TNIP1: variants seen among roughly 807,000 people sequenced by gnomAD.
TNIP1 encodes TNFAIP3-interacting protein 1.
TNIP1 carries 22 observed loss-of-function variants against 86.6 expected under a neutral mutation model. That is an observed-to-expected ratio of 0.25 (90% CI 0.18 to 0.36). The LOEUF (loss-of-function observed/expected upper bound fraction) is 0.36. Among genes scored for constraint, TNIP1 ranks in the 10% least tolerant of loss-of-function variants. The pLI, the probability that TNIP1 is intolerant of heterozygous loss-of-function variation, is 1.00. For missense variants in TNIP1, 709 were observed against 820.6 expected (o/e 0.86, Z 1.66); for synonymous variants, 294 against 313.0 (o/e 0.94, Z 0.64).
At position 151,063,722 on chromosome 5, in the gene TNIP1, C is replaced by T. The variant is rs1352967622; in HGVS notation, c.162G>A (p.Met54Ile). 6.2e-7 allele frequency: 1 copy of T among 1,613,902 alleles called. No homozygotes were observed. The highest frequency in any genetic ancestry group is 8.5e-7 in the Non-Finnish European group (1 of 1,179,960). ...MLGELLEESQ[M>I]EATRLRQKAE... Reference sequence around the variant, plus strand: ...CCTTCTGCCGGAGCCTGGTCGCTTCCATCTGGGACTCTTCCAAAAGCTCCC... The same window carrying T: ...CCTTCTGCCGGAGCCTGGTCGCTTCTATCTGGGACTCTTCCAAAAGCTCCC... The change falls in exon 3 of 18, where the codon ATG becomes ATA. Residue 54 changes from methionine (M) to isoleucine (I), a missense_variant. By Grantham distance (10) the Met-to-Ile change is conservative. Coordinates refer to ENST00000521591, the MANE Select transcript of TNIP1 (RefSeq NM_006058.5).
intron 1 of TNIP1, among the ~76,000 whole-genome samples, chr5:151,079,655 T>C (rs1370466696): frequency 1.3e-5 from 2 of 151,834 alleles, no homozygotes; most frequent in East Asian, 3.9e-4. Flanking sequence ...AGATACGGAA[T>C]GTAAGCACTG....
In TNIP1 at chr5:151,042,591, A is replaced by G. The variant is rs763958354; in HGVS notation, c.1083T>C (p.Arg361=). ...DLEAEREQKQ[R]DFDRKLLLAK... is the part of the protein sequence containing the mutation. ...CCAGGAGGAGCTTGCGGTCAAAGTC[A>G]CGCTGCTTCTGCTCCCGCTCGGCCT... Residue 361 remains arginine (R), a synonymous_variant, in exon 11 of 18, where the codon CGT becomes CGC. Coordinates refer to ENST00000521591, the MANE Select transcript of TNIP1 (RefSeq NM_006058.5). The G allele has an allele frequency of 4.3e-6, 7 of 1,613,868 alleles. No individual in the cohort carries two copies. Among genetic ancestry groups the G allele is most frequent in the Non-Finnish European group, 5.9e-6 (7 of 1,180,016 alleles).
intron 16 of TNIP1, 118 bp downstream of exon 16, chr5:151,033,490 G>T: frequency 1.5e-6 from 1 of 653,778 alleles, no homozygotes; most frequent in Non-Finnish European, 2.5e-6. Context: ...CTGCCACCAC[G>T]GTGCTGTTTA....
intron 1 of TNIP1, among the ~76,000 whole-genome samples, chr5:151,077,075 T>C (rs1763475209): frequency 1.3e-5 from 2 of 152,362 alleles, no homozygotes; most frequent in Admixed American, 6.5e-5. Context: ...ATTTGGCTCA[T>C]GGTTCTGGAT....
In TNIP1 at chr5:151,053,101, CTT is replaced by C. The variant is rs11390788; in HGVS notation, c.628-844_628-843del. On this transcript the variant is annotated intron_variant, in intron 6 of 17. Transcript: ENST00000521591. ...CTACAAAAGAAAGACAACTGTTTCTCTTTTTTTTTTTTTTTTTTTTTTTTTTA... is the reference window on the plus strand; with the variant it reads ...CTACAAAAGAAAGACAACTGTTTCTCTTTTTTTTTTTTTTTTTTTTTTTTA... 2.9e-3 allele frequency among the ~76,000 whole-genome samples: 247 copies of C among 85,216 alleles called. 3 individuals are homozygous for C. The highest frequency in any genetic ancestry group is 0.013 in the Admixed American group (89 of 6,980). The allele number at this position is 85,216 out of a possible 152,430, so 55.9% of individuals were successfully genotyped here.
intron 9 of TNIP1, among the ~76,000 whole-genome samples, chr5:151,044,791 ATG>A (rs1758922978): frequency 6.6e-6 from 1 of 152,082 alleles, no homozygotes; most frequent in African/African-American, 2.4e-5. Flanking sequence ...GGAGGAACAC[ATG>A]TGAGATCCAT....
rs568033078 is a variant in TNIP1, at chr5:151,039,710, G to A, written c.1135-485C>T. Among the ~76,000 whole-genome samples the A allele has an allele frequency of 4.6e-5, 7 of 152,364 alleles. No homozygotes were observed. The South Asian group carries it at 6.2e-4, about 14-fold the overall frequency. ...GGGTCTTCCGTGATCCACAGAAAGC[G>A]ATAAACTACGGATAATCCCTAACAG... On this transcript the variant is annotated intron_variant, in intron 11 of 17. Coordinates refer to ENST00000521591, the MANE Select transcript of TNIP1 (RefSeq NM_006058.5).
At chr5:151,082,564 C>G (rs1319929913), upstream of TNIP1, among the ~76,000 whole-genome samples, 3 of 152,112 alleles carry the variant, frequency 2.0e-5, no homozygotes, top group Non-Finnish European at 4.4e-5. Context: ...ATCTTCTCCA[C>G]CCCCACCCTC....
chr5:151,040,753 G>C (rs1226894057), intron 11 of TNIP1, among the ~76,000 whole-genome samples: 1 of 152,222 alleles, frequency 6.6e-6, no homozygotes, highest in Admixed American at 6.5e-5. Flanking sequence ...AAGGCCCCTG[G>C]TGTCCCATGC....
chr5:151,032,971 C>A (rs966602167), intron 16 of TNIP1: 2 of 153,276 alleles, frequency 1.3e-5, no homozygotes, highest in Non-Finnish European at 2.9e-5. Context: ...ACCAAAAATA[C>A]AAAAAATTAC....
chr5:151,063,493 C>G (rs1581869137), intron 3 of TNIP1, 120 bp downstream of exon 3: 1 of 1,424,712 alleles, frequency 7.0e-7, no homozygotes, highest in Non-Finnish European at 9.6e-7. Context: ...GGAAGGGTAG[C>G]CTGTGACCTA....
intron 6 of TNIP1, among the ~76,000 whole-genome samples, chr5:151,056,468 C>T (rs1457899493): frequency 1.3e-5 from 2 of 152,182 alleles, no homozygotes; most frequent in Non-Finnish European, 2.9e-5. Flanking sequence ...CCTTTGTTCC[C>T]TCCCTTCCCA....
intron 1 of TNIP1, among the ~76,000 whole-genome samples, chr5:151,071,336 C>T (rs923815693): frequency 3.9e-5 from 6 of 152,034 alleles, no homozygotes; most frequent in African/African-American, 1.2e-4. Flanking sequence ...ACAGCTGGGG[C>T]GCCAGAACTG....
In TNIP1 at chr5:151,056,898, C is replaced by A; in HGVS notation, c.495G>T (p.Glu165Asp). ...GNLMLHLQRL[E>D]TTLSVCAEEP... Reference sequence around the variant, plus strand: ...CCTCGGCACACACACTCAGCGTGGTCTCCAGGCGCTGCAGGTGCAGCATCA... The same window carrying A: ...CCTCGGCACACACACTCAGCGTGGTATCCAGGCGCTGCAGGTGCAGCATCA... Residue 165 changes from glutamate (E) to aspartate (D), a missense_variant, in exon 6 of 18, where the codon GAG becomes GAT. Physicochemically the swap from Glu to Asp is conservative, Grantham distance 45. Coordinates refer to ENST00000521591, the MANE Select transcript of TNIP1 (RefSeq NM_006058.5). 1 of 1,597,348 alleles carries A rather than the reference C, an allele frequency of 6.3e-7. No individual in the cohort carries two copies. Among genetic ancestry groups the A allele is most frequent in the Non-Finnish European group, 8.5e-7 (1 of 1,172,500 alleles).
At chr5:151,075,326 C>A (rs1433835762) in intron 1 of TNIP1, among the ~76,000 whole-genome samples, 1 of 151,972 alleles carries the variant, frequency 6.6e-6, no homozygotes, top group African/African-American at 2.4e-5. Context: ...TTTCTTTTTT[C>A]TTTTTACTGT....
rs565278604 is a variant in TNIP1 at position 151,051,341 on chromosome 5, G to A, written c.722+824C>T. 1.2e-3 allele frequency among the ~76,000 whole-genome samples: 187 copies of A among 152,168 alleles called. 6 individuals carry two copies. In the South Asian group the frequency reaches 0.036, roughly 30 times the overall value. ...GAGTGGCAAGTCCTGTCTGTGACAC[G>A]GGCCTTTCCTATGTGCCTGAGCCCA... On this transcript the variant is annotated intron_variant, in intron 7 of 17. Coordinates refer to ENST00000521591, the MANE Select transcript of TNIP1 (RefSeq NM_006058.5).
At chr5:151,056,033 G>A (rs1760615392) in intron 6 of TNIP1, among the ~76,000 whole-genome samples, 1 of 152,230 alleles carries the variant, frequency 6.6e-6, no homozygotes, top group African/African-American at 2.4e-5. Context: ...TGCACTGGGT[G>A]CTTCATGTAC....
intron 3 of TNIP1, 71 bp downstream of exon 3, chr5:151,063,542 G>T (rs1229779712): frequency 6.4e-7 from 1 of 1,573,936 alleles, no homozygotes; most frequent in Non-Finnish European, 8.7e-7. Flanking sequence ...CATAAGAAGG[G>T]AGTTCACTGT....
chr5:151,050,534 A>G (rs971118898), intron 7 of TNIP1, among the ~76,000 whole-genome samples: 1 of 152,244 alleles, frequency 6.6e-6, no homozygotes, highest in Non-Finnish European at 1.5e-5. Context: ...TTTAAGTAAA[A>G]AGATGAATCA....
Sources: gnomAD v4.1 joint callset for allele counts (sites outside exome capture counted in the v4.1 genomes callset) on GRCh38, gnomAD v4.1.1 for gene constraint, MANE v1.5 for transcripts, NCBI Gene and HGNC (gene_info 2026-07-23, HGNC 2026-07-21) for gene names.